ADAMTS8: variants seen among roughly 807,000 people sequenced by gnomAD.
The protein encoded by ADAMTS8 is ADAM metallopeptidase with thrombospondin type 1 motif 8, also known as A disintegrin and metalloproteinase with thrombospondin motifs 8.
ADAMTS8 carries 50 observed loss-of-function variants against 64.4 expected under a neutral mutation model. The ratio of observed to expected loss-of-function variants is 0.78; its 90% CI spans 0.62 to 0.98. ADAMTS8 has a LOEUF of 0.98. Among genes scored for constraint, ADAMTS8 ranks in the 50% least tolerant of loss-of-function variants. The pLI, the probability that ADAMTS8 is intolerant of heterozygous loss-of-function variation, is 0.00. For missense variants in ADAMTS8, 1,192 were observed against 1,208.2 expected (o/e 0.99, Z 0.20); for synonymous variants, 556 against 533.6 (o/e 1.04, Z -0.58).
rs764360562 is a variant in ADAMTS8 at position 130,414,525 on chromosome 11, C to T, written c.1566+6G>A. 6.3e-7 allele frequency: 1 copy of T among 1,585,958 alleles called. No homozygotes were observed. The highest frequency in any genetic ancestry group is 2.3e-5 in the East Asian group (1 of 44,356). On this transcript the variant is annotated splice_donor_region_variant and intron_variant, in intron 5 of 8. Transcript: ENST00000257359. Reference sequence around the variant, plus strand: ...CTCCCCGCTATCCTCAGGGGCTGTCCCTCACCTTGGGCCTCTCCACTTCCT... The same window carrying T: ...CTCCCCGCTATCCTCAGGGGCTGTCTCTCACCTTGGGCCTCTCCACTTCCT...
At position 130,427,781 on chromosome 11, in the gene ADAMTS8, A is replaced by G. The variant is rs1249210437; in HGVS notation, c.506T>C (p.Val169Ala). 2 of 1,585,498 alleles carry G rather than the reference A, an allele frequency of 1.3e-6. No individual in the cohort carries two copies. Among genetic ancestry groups the G allele is most frequent in the South Asian group, 2.3e-5 (2 of 87,138 alleles). Residue 169 changes from valine (V) to alanine (A), a missense_variant, in exon 1 of 9, where the codon GTG (valine) becomes GCG (alanine). Val to Ala is a moderately conservative substitution (Grantham distance 64, BLOSUM62 0). Transcript: ENST00000257359. ...CTGCCTCTGACCCTCTCCCGTCTCC[A>G]CCTCCCACTCGGGTCCTCGCGGGAG... The part of the protein sequence containing the change: ...RPLPRGPEWE[V>A]ETGEGQRQER...
intron 4 of ADAMTS8, among the ~76,000 whole-genome samples, chr11:130,415,845 T>G (rs1443293466): frequency 1.3e-5 from 2 of 152,104 alleles, no homozygotes; most frequent in Admixed American, 1.3e-4. Context: ...ACGCCTGAGC[T>G]GTTGTAGGTT....
rs1446324339 is a variant in ADAMTS8 at position 130,417,019 on chromosome 11, G to A, written c.1017C>T (p.Thr339=). Reference sequence around the variant, plus strand: ...AGCAGCTTTTGTTGGGGTCACAAATGGTCCCGATGTCTGCCACACCCAGGG... The same window carrying A: ...AGCAGCTTTTGTTGGGGTCACAAATAGTCCCGATGTCTGCCACACCCAGGG... The part of the protein sequence containing the change: ...CDTLGVADIG[T]ICDPNKSCSV... Residue 339 remains threonine, a synonymous_variant, in exon 3 of 9, where the codon ACC becomes ACT. Transcript: ENST00000257359. 6.2e-7 allele frequency: 1 copy of A among 1,614,010 alleles called. No individual in the cohort carries two copies. Among genetic ancestry groups the A allele is most frequent in the Admixed American group, 1.7e-5 (1 of 60,022 alleles).
chr11:130,411,956 G>GCA lies in ADAMTS8; in HGVS notation c.1567-357_1567-356insTG. On this transcript the variant is annotated intron_variant, in intron 5 of 8. Coordinates refer to ENST00000257359, the MANE Select transcript of ADAMTS8 (RefSeq NM_007037.6). The surrounding 1 kb of genome is among the most constrained non-coding windows in gnomAD (Gnocchi z 4.2). The stretch of plus-strand genomic sequence containing the variant: ...GTTGGGGCGAATTCTGCCCTCCAGG[G>GCA]GACATTTGGCAATGTCTGGAGATAC... The GCA allele has an allele frequency of 3.9e-6, 1 of 256,284 alleles. No homozygotes were observed. Among genetic ancestry groups the GCA allele is most frequent in the Non-Finnish European group, 7.5e-6 (1 of 132,578 alleles). The allele number at this position is 256,284 out of a possible 1,614,324, so 15.9% of individuals were successfully genotyped here.
At position 130,411,768 on chromosome 11, in the gene ADAMTS8, TGG is replaced by T. The variant is rs1861956145; in HGVS notation, c.1567-170_1567-169del. On this transcript the variant is annotated intron_variant, in intron 5 of 8. Transcript: ENST00000257359. This position sits in a 1 kb window ranked among gnomAD's most constrained non-coding sequence, Gnocchi z 4.2. The stretch of plus-strand genomic sequence containing the variant: ...TTGTTTAATGACTGTGTGGCCTGCA[TGG>T]CTTTGTGAGCACAGAGACCAGGCTG... 6 of 643,754 alleles carry T rather than the reference TGG, an allele frequency of 9.3e-6. No individual in the cohort carries two copies. The highest frequency in any genetic ancestry group is 1.5e-5 in the Non-Finnish European group (6 of 402,000). 39.9% of individuals were successfully genotyped at this position (643,754 alleles called of 1,614,324 possible).
In ADAMTS8 at chr11:130,427,578, C is replaced by A. The variant is rs1346574237; in HGVS notation, c.709G>T (p.Ala237Ser). ...ADASMAAFYG[A>S]DLQNHILTLM... is the part of the protein sequence containing the mutation. ...GCTCTCAGTCCTACCTGCAGGTCGGCCCCGTAGAAGGCAGCCATGGACGCA... is the reference window on the plus strand; with the variant it reads ...GCTCTCAGTCCTACCTGCAGGTCGGACCCGTAGAAGGCAGCCATGGACGCA... The change falls in exon 1 of 9, where the codon GCC becomes TCC. Residue 237 changes from alanine to serine, a missense_variant. Ala to Ser is a moderately conservative substitution (Grantham distance 99). Coordinates refer to ENST00000257359, the MANE Select transcript of ADAMTS8 (RefSeq NM_007037.6). 6.5e-7 allele frequency: 1 copy of A among 1,538,922 alleles called. No homozygotes were observed. The highest frequency in any genetic ancestry group is 8.7e-7 in the Non-Finnish European group (1 of 1,146,862).
rs1861866278 is a variant in ADAMTS8, at chr11:130,405,552, C to T, written c.*6G>A. ...GGAGCACAAGACTGGCCCCTGCCCC[C>T]CTGAATCACAGGGGGCACAGCTGGC... On this transcript the variant is annotated 3_prime_UTR_variant, in exon 9 of 9. Transcript: ENST00000257359. 1.6e-5 allele frequency: 25 copies of T among 1,589,766 alleles called. No individual in the cohort carries two copies. The highest frequency in any genetic ancestry group is 2.1e-5 in the Non-Finnish European group (25 of 1,165,860).
chr11:130,406,194 T>C, intron 8 of ADAMTS8, 66 bp from the exon 9 acceptor site: 1 of 1,535,386 alleles, frequency 6.5e-7, no homozygotes, highest in South Asian at 1.2e-5. Flanking sequence ...GATGATGCCT[T>C]GGAGACTGAA....
chr11:130,414,392 G>A, intron 5 of ADAMTS8, 139 bp downstream of exon 5: 1 of 1,088,394 alleles, frequency 9.2e-7, no homozygotes, highest in East Asian at 2.6e-5. Context: ...TGGGATTCCA[G>A]TGTGAGCCGC....
chr11:130,405,865 A>G lies in ADAMTS8; in HGVS notation c.2363T>C (p.Val788Ala). Reference sequence around the variant, plus strand: ...CTCGCCAGGGACTGTCAGGAGCTGCACTGTCAGAGGCTCTGGCAAGGGCCG... The same window carrying G: ...CTCGCCAGGGACTGTCAGGAGCTGCGCTGTCAGAGGCTCTGGCAAGGGCCG... ...SFRPLPEPLT[V>A]QLLTVPGEVF... is the part of the protein sequence containing the mutation. Residue 788 changes from valine (V) to alanine (A), a missense_variant, in exon 9 of 9, where the codon GTG becomes GCG. Transcript: ENST00000257359. 2 of 1,614,096 alleles carry G rather than the reference A, an allele frequency of 1.2e-6. No individual in the cohort carries two copies. The highest frequency in any genetic ancestry group is 1.7e-6 in the Non-Finnish European group (2 of 1,180,054).
rs1393341678 is a variant in ADAMTS8, at chr11:130,408,745, C to G, written c.1923+23G>C. On this transcript the variant is annotated intron_variant, in intron 7 of 8. Transcript: ENST00000257359. Reference sequence around the variant, plus strand: ...GCGACCTTCCTCCCCATCTCTGGATCTGAGTCCCAGGGTGATTCTCACCTT... The same window carrying G: ...GCGACCTTCCTCCCCATCTCTGGATGTGAGTCCCAGGGTGATTCTCACCTT... 3.7e-6 allele frequency: 6 copies of G among 1,613,702 alleles called. No individual in the cohort carries two copies. In the African/African-American group the frequency reaches 6.7e-5, roughly 18 times the overall value.
chr11:130,422,063 C>T (rs779711638), intron 1 of ADAMTS8, among the ~76,000 whole-genome samples: 1 of 152,160 alleles, frequency 6.6e-6, no homozygotes, highest in Non-Finnish European at 1.5e-5. Flanking sequence ...CTTGGGGATC[C>T]CATACTCTTC....
chr11:130,405,477 C>G lies in ADAMTS8; in HGVS notation c.*81G>C, dbSNP rs77872571. 1.5e-5 allele frequency: 22 copies of G among 1,507,794 alleles called. No homozygotes were observed. The highest frequency in any genetic ancestry group is 2.4e-4 in the Middle Eastern group (1 of 4,094). The allele number at this position is 1,507,794 out of a possible 1,614,324, so 93.4% of individuals were successfully genotyped here. On this transcript the variant is annotated 3_prime_UTR_variant, in exon 9 of 9. Coordinates refer to ENST00000257359, the MANE Select transcript of ADAMTS8 (RefSeq NM_007037.6). ...TGCTGCCTTGATATGGCCAAGGGACCCAGTCACCACAGTGGAGACCCTTGT... is the reference window on the plus strand; with the variant it reads ...TGCTGCCTTGATATGGCCAAGGGACGCAGTCACCACAGTGGAGACCCTTGT...
Position 130,419,082 on chromosome 11 carries a change from A to T in ADAMTS8, c.931T>A (p.Tyr311Asn), listed in dbSNP as rs763304798. Residue 311 changes from tyrosine (Y) to asparagine (N), a missense_variant, in exon 2 of 9, where the codon TAC becomes AAC. By Grantham distance (143) the Tyr-to-Asn change is moderately radical. This residue lies in a region of ADAMTS8 where 741 missense variants were observed against 710.6 expected (regional missense o/e 1.04). Transcript: ENST00000257359. The stretch of plus-strand genomic sequence containing the variant: ...CTGGTGAGCAGGATGGCCGTGTCGT[A>T]GTGCTCTGGGTGGCGGTCGCTGGGC... ...NQPSDRHPEH[Y>N]DTAILLTRQN... 2 of 1,614,096 alleles carry T rather than the reference A, an allele frequency of 1.2e-6. No individual in the cohort carries two copies. The highest frequency in any genetic ancestry group is 3.3e-5 in the Admixed American group (2 of 60,016).
At chr11:130,421,792 G>C (rs1862102629) in intron 1 of ADAMTS8, among the ~76,000 whole-genome samples, 1 of 151,754 alleles carries the variant, frequency 6.6e-6, no homozygotes, top group Admixed American at 6.5e-5. Context: ...TCAAAGGACA[G>C]GCCTGACTGA....
At chr11:130,414,075 A>AT (rs1861987372) in intron 5 of ADAMTS8, among the ~76,000 whole-genome samples, 1 of 147,248 alleles carries the variant, frequency 6.8e-6, no homozygotes, top group South Asian at 2.2e-4. Flanking sequence ...AAGATGAGTG[A>AT]TTTTACCTAG....
At chr11:130,409,390 C>T (rs1304906556) in intron 6 of ADAMTS8, among the ~76,000 whole-genome samples, 2 of 152,288 alleles carry the variant, frequency 1.3e-5, no homozygotes, top group Middle Eastern at 3.4e-3. Context: ...TGCCCCTACA[C>T]CCACATTCCG....
chr11:130,423,345 A>C (rs1862124091), intron 1 of ADAMTS8, among the ~76,000 whole-genome samples: 1 of 152,234 alleles, frequency 6.6e-6, no homozygotes, highest in African/African-American at 2.4e-5. Flanking sequence ...AATGGGAAGG[A>C]CATCACGCAC....
intron 1 of ADAMTS8, among the ~76,000 whole-genome samples, chr11:130,422,052 A>C (rs1862106495): frequency 6.6e-6 from 1 of 152,144 alleles, no homozygotes; most frequent in Admixed American, 6.5e-5. Flanking sequence ...CTCTTGAATG[A>C]CTTGGGGATC....
Sources: gnomAD v4.1 joint callset for allele counts (sites outside exome capture counted in the v4.1 genomes callset) on GRCh38, gnomAD v4.1.1 for gene constraint, gnomAD v4.1.1 regional missense constraint, Gnocchi (gnomAD v3.1) non-coding constraint, MANE v1.5 for transcripts, NCBI Gene and HGNC (gene_info 2026-07-23, HGNC 2026-07-21) for gene names.